Variants in AMOTL1 observed in about 807,000 individuals in gnomAD.
AMOTL1 encodes the protein angiomotin like 1, also known as angiomotin-like protein 1.
Under a neutral mutation model 102.9 loss-of-function variants are expected in AMOTL1, and 45 were observed. The ratio of observed to expected loss-of-function variants is 0.44; its 90% CI spans 0.34 to 0.56. The LOEUF (loss-of-function observed/expected upper bound fraction) is 0.56, where lower values mean the gene tolerates loss of function less well. Ranked by LOEUF, AMOTL1 falls within the 20% of genes least tolerant of loss-of-function variation. The pLI is 0.01. For synonymous variants in AMOTL1, 481 were observed against 484.7 expected (o/e 0.99, Z 0.10); for missense variants, 1,114 against 1,225.6 (o/e 0.91, Z 1.36).
At chr11:94,801,872 C>T (rs1026146388) in intron 3 of AMOTL1, among the ~76,000 whole-genome samples, 1 of 152,068 alleles carries the variant, frequency 6.6e-6, no homozygotes, top group Non-Finnish European at 1.5e-5. Context: ...TGGCCACTGC[C>T]TATTATTGGA....
In AMOTL1 at chr11:94,792,536, C is replaced by G. The variant is rs138266215; in HGVS notation, c.50-2475C>G. ...GGACAGCTCAGCCGGTTGGTTGTCT[C>G]TTGGCTTTAGACGAGTGGATGGTAC... On this transcript the variant is annotated intron_variant, in intron 1 of 12. Transcript: ENST00000433060. Among the ~76,000 whole-genome samples the G allele has an allele frequency of 5.9e-4, 90 of 152,336 alleles. 1 individual carries two copies. The highest frequency in any genetic ancestry group is 4.8e-3 in the Admixed American group (74 of 15,308).
chr11:94,738,014 G>C (rs775065966), intron 2 of AMOTL1, among the ~76,000 whole-genome samples: 5 of 152,216 alleles, frequency 3.3e-5, no homozygotes, highest in Admixed American at 2.0e-4. Context: ...TAGTATGTCT[G>C]TATACTGACA....
At chr11:94,768,050 T>G (rs1181361045), upstream of AMOTL1, among the ~76,000 whole-genome samples, 1 of 152,126 alleles carries the variant, frequency 6.6e-6, no homozygotes, top group Non-Finnish European at 1.5e-5. Context: ...GGCATTGGGC[T>G]GGTGGGGAAG....
intron 4 of AMOTL1, among the ~76,000 whole-genome samples, chr11:94,829,355 TG>T (rs1350987148): frequency 6.6e-6 from 1 of 151,966 alleles, no homozygotes; most frequent in Non-Finnish European, 1.5e-5. Context: ...CCCAAGTAGC[TG>T]GGGTTACAGG....
rs1004430702 is a variant in AMOTL1, at chr11:94,850,177, G to A, written c.1712G>A (p.Ser571Asn). The A allele has an allele frequency of 6.3e-7, 1 of 1,592,426 alleles. No individual in the cohort carries two copies. Among genetic ancestry groups the A allele is most frequent in the Non-Finnish European group, 8.6e-7 (1 of 1,169,156 alleles). ...GAGTTAGCAGCAGTGCGGACTGCAA[G>A]TGAGGACCATCGGAGACACATCGAG... ...EMELAAVRTA[S>N]EDHRRHIEIL... The change falls in exon 7 of 13, where the codon AGT becomes AAT. Residue 571 changes from serine (S) to asparagine (N), a missense_variant. Ser to Asn is a conservative substitution (Grantham distance 46). Transcript: ENST00000433060.
At chr11:94,829,997 G>T (rs1395996586) in intron 4 of AMOTL1, 53 bp from the exon 5 acceptor site, 3 of 1,513,022 alleles carry the variant, frequency 2.0e-6, no homozygotes, top group Non-Finnish European at 2.7e-6. Flanking sequence ...ATTTTACCAA[G>T]ACACCAGCAT....
intron 8 of AMOTL1, 105 bp from the exon 9 acceptor site, chr11:94,859,420 T>C: frequency 8.8e-7 from 1 of 1,134,126 alleles, no homozygotes; most frequent in Non-Finnish European, 1.2e-6. Context: ...GCATGGTGTG[T>C]GAATTGCTGC....
chr11:94,813,574 G>A (rs1032503850), intron 3 of AMOTL1, among the ~76,000 whole-genome samples: 3 of 151,990 alleles, frequency 2.0e-5, no homozygotes, highest in African/African-American at 4.8e-5. Context: ...CCCCTCTCTC[G>A]CTACACACCC....
At chr11:94,849,488 C>T (rs903912347) in intron 6 of AMOTL1, among the ~76,000 whole-genome samples, 1 of 152,150 alleles carries the variant, frequency 6.6e-6, no homozygotes, top group African/African-American at 2.4e-5. Flanking sequence ...AGGCAGTGAT[C>T]GCCATCATTA....
chr11:94,786,422 C>T (rs1475031014), intron 1 of AMOTL1, among the ~76,000 whole-genome samples: 1 of 152,106 alleles, frequency 6.6e-6, no homozygotes, highest in African/African-American at 2.4e-5. Flanking sequence ...CCCAGACCTG[C>T]GGAGGAAGCC....
At chr11:94,805,150 A>G (rs1339520363) in intron 3 of AMOTL1, among the ~76,000 whole-genome samples, 1 of 152,172 alleles carries the variant, frequency 6.6e-6, no homozygotes, top group Non-Finnish European at 1.5e-5. Context: ...TTAAGCTTTC[A>G]CTTGGGGTCA....
At chr11:94,846,178 G>T (rs1237029569) in intron 6 of AMOTL1, among the ~76,000 whole-genome samples, 1 of 152,102 alleles carries the variant, frequency 6.6e-6, no homozygotes, top group Non-Finnish European at 1.5e-5. Context: ...CTCACTCCCT[G>T]CCCTGAATTA....
At chr11:94,715,255 A>T (rs747914303) in intron 1 of AMOTL1, among the ~76,000 whole-genome samples, 3 of 152,094 alleles carry the variant, frequency 2.0e-5, no homozygotes, top group Non-Finnish European at 2.9e-5. Flanking sequence ...ATTTCTTAAC[A>T]TTTGTTAATA....
intron 4 of AMOTL1, among the ~76,000 whole-genome samples, chr11:94,826,396 G>A (rs1266524659): frequency 2.6e-5 from 4 of 152,066 alleles, no homozygotes; most frequent in Non-Finnish European, 4.4e-5. Flanking sequence ...TGTTATAACC[G>A]AATATCTGAG....
intron 6 of AMOTL1, among the ~76,000 whole-genome samples, chr11:94,838,516 G>A (rs1037550507): frequency 1.3e-5 from 2 of 152,190 alleles, no homozygotes; most frequent in African/African-American, 4.8e-5. Context: ...ACAAATGGGT[G>A]TAGCCCTGTT....
At chr11:94,783,502 C>G (rs966722732) in intron 1 of AMOTL1, among the ~76,000 whole-genome samples, 3 of 152,176 alleles carry the variant, frequency 2.0e-5, no homozygotes, top group African/African-American at 7.2e-5. Flanking sequence ...GTGTGTACAA[C>G]CTTCTAGACC....
chr11:94,737,032 C>T (rs1461361957), intron 2 of AMOTL1, among the ~76,000 whole-genome samples: 1 of 152,180 alleles, frequency 6.6e-6, no homozygotes, highest in Non-Finnish European at 1.5e-5. Context: ...ACAGCAAATA[C>T]TGAAACAAGA....
chr11:94,800,135 C>T lies in AMOTL1; in HGVS notation c.945C>T (p.Phe315=), dbSNP rs1253786505. Residue 315 remains phenylalanine, a synonymous_variant, in exon 3 of 13, where the codon TTC becomes TTT. Coordinates refer to ENST00000433060, the MANE Select transcript of AMOTL1 (RefSeq NM_130847.3). ...GGGGTCCTCCACCTGAGTACCCCTTCAAGACCAAGCAAATGATGTCCCCAG... is the reference window on the plus strand; with the variant it reads ...GGGGTCCTCCACCTGAGTACCCCTTTAAGACCAAGCAAATGATGTCCCCAG... ...DPRGPPPEYP[F]KTKQMMSPVS... is the part of the protein sequence containing the mutation. The T allele has an allele frequency of 1.2e-6, 2 of 1,613,956 alleles. No homozygotes were observed. Among genetic ancestry groups the T allele is most frequent in the South Asian group, 1.1e-5 (1 of 91,076 alleles).
At chr11:94,858,144 G>A (rs1952704218) in intron 8 of AMOTL1, among the ~76,000 whole-genome samples, 1 of 152,132 alleles carries the variant, frequency 6.6e-6, no homozygotes, top group African/African-American at 2.4e-5. Context: ...GTGAATATGG[G>A]AGACTTTTCT....
Sources: allele counts gnomAD v4.1 joint callset (sites outside exome capture counted in the v4.1 genomes callset), GRCh38; gene constraint gnomAD v4.1.1; transcripts MANE v1.5; gene names NCBI Gene and HGNC (gene_info 2026-07-23, HGNC 2026-07-21).